Variants in NALCN observed in about 807,000 individuals in gnomAD.
The protein encoded by NALCN is sodium leak channel NALCN.
NALCN carries 111 observed loss-of-function variants against 225.3 expected under a neutral mutation model. The ratio of observed to expected loss-of-function variants is 0.49; its 90% CI spans 0.42 to 0.58. The LOEUF is 0.58. Among genes scored for constraint, NALCN ranks in the 20% least tolerant of loss-of-function variants. The pLI is 0.00. For missense variants in NALCN, 1,378 were observed against 2,202.4 expected (o/e 0.63, Z 7.49); for synonymous variants, 764 against 769.0 (o/e 0.99, Z 0.11).
intron 10 of NALCN, among the ~76,000 whole-genome samples, chr13:101,261,727 A>G (rs1017612519): frequency 3.9e-5 from 6 of 152,196 alleles, no homozygotes; most frequent in Non-Finnish European, 8.8e-5. Context: ...TTTGTTCATC[A>G]GTTCTTATAG....
rs1256340637 is a variant in NALCN at position 101,292,755 on chromosome 13, A to G, written c.800-389T>C. Among the ~76,000 whole-genome samples, 1 of 152,342 alleles carries G rather than the reference A, an allele frequency of 6.6e-6. No homozygotes were observed. Among genetic ancestry groups the G allele is most frequent in the East Asian group, 1.9e-4 (1 of 5,180 alleles). On this transcript the variant is annotated intron_variant, in intron 7 of 43. Transcript: ENST00000251127. The surrounding 1 kb of genome is among the most constrained non-coding windows in gnomAD (Gnocchi z 4.3). ...CAATAAGCTGAAAAGCACCTGCTAT[A>G]GTTTTAACCAAAATGAAATAAATGG... is the stretch of plus-strand genomic sequence containing the variant.
intron 15 of NALCN, among the ~76,000 whole-genome samples, chr13:101,154,723 C>A (rs1416378976): frequency 6.6e-6 from 1 of 152,148 alleles, no homozygotes; most frequent in Admixed American, 6.5e-5. Flanking sequence ...CATCAACAGG[C>A]AGAAGAGGAT....
At chr13:101,325,095 G>C (rs1024105844) in intron 7 of NALCN, among the ~76,000 whole-genome samples, 6 of 152,128 alleles carry the variant, frequency 3.9e-5, no homozygotes, top group African/African-American at 1.4e-4. Flanking sequence ...CTTCTCAGTG[G>C]CTTAAATCCG....
chr13:101,111,505 A>T (rs2035435033), intron 18 of NALCN, among the ~76,000 whole-genome samples: 1 of 152,094 alleles, frequency 6.6e-6, no homozygotes, highest in African/African-American at 2.4e-5. Flanking sequence ...TTCCAAAAAT[A>T]ATGGTAGAGC....
intron 40 of NALCN, among the ~76,000 whole-genome samples, chr13:101,064,372 A>C (rs757977609): frequency 7.2e-5 from 11 of 152,150 alleles, no homozygotes; most frequent in Non-Finnish European, 1.3e-4. Flanking sequence ...TATGGGTTAA[A>C]TGTTTCCTCC....
intron 15 of NALCN, among the ~76,000 whole-genome samples, chr13:101,175,366 A>T (rs1238547414): frequency 1.3e-5 from 2 of 152,156 alleles, no homozygotes; most frequent in East Asian, 1.9e-4. Flanking sequence ...AAAAAAAATT[A>T]AAAAATTTAA....
chr13:101,127,590 T>G (rs1371282598), intron 17 of NALCN, among the ~76,000 whole-genome samples: 1 of 152,104 alleles, frequency 6.6e-6, no homozygotes, highest in Non-Finnish European at 1.5e-5. Flanking sequence ...ACTCCTGACC[T>G]CAAGTGATCC....
At chr13:101,238,095 A>G (rs2041628514) in intron 11 of NALCN, among the ~76,000 whole-genome samples, 173 bp from the exon 12 acceptor site, 1 of 151,998 alleles carries the variant, frequency 6.6e-6, no homozygotes, top group East Asian at 1.9e-4. Context: ...ACCAACTAGA[A>G]CACAGTAGAC....
chr13:101,198,684 C>CTGTTG, intron 13 of NALCN, among the ~76,000 whole-genome samples: 1 of 152,314 alleles, frequency 6.6e-6, no homozygotes, highest in East Asian at 1.9e-4. Context: ...CACTTTTACA[C>CTGTTG]TGTTGGTGGG....
intron 1 of NALCN, among the ~76,000 whole-genome samples, chr13:101,406,871 G>C (rs1566660869): frequency 6.6e-6 from 1 of 152,130 alleles, no homozygotes; most frequent in Non-Finnish European, 1.5e-5. Context: ...CTCACCCCAT[G>C]TAGTGAAGAG....
chr13:101,341,555 T>A (rs567848865), intron 7 of NALCN, among the ~76,000 whole-genome samples: 13 of 152,266 alleles, frequency 8.5e-5, no homozygotes, highest in Non-Finnish European at 1.8e-4. Flanking sequence ...TGTAATTCAG[T>A]GCTCTGTTTC....
At chr13:101,186,850 G>T (rs974348477) in intron 14 of NALCN, among the ~76,000 whole-genome samples, 3 of 152,066 alleles carry the variant, frequency 2.0e-5, no homozygotes, top group African/African-American at 4.8e-5. Context: ...AGACTTAAAG[G>T]TGAAAAGCAA....
At chr13:101,339,271 G>A (rs1280637896) in intron 7 of NALCN, among the ~76,000 whole-genome samples, 1 of 152,136 alleles carries the variant, frequency 6.6e-6, no homozygotes, top group Admixed American at 6.5e-5. Flanking sequence ...CACCCATACT[G>A]CAATCACGGA....
intron 42 of NALCN, 39 bp downstream of exon 42, chr13:101,059,779 A>C (rs1205830093): frequency 1.3e-6 from 2 of 1,590,336 alleles, no homozygotes; most frequent in Admixed American, 1.7e-5. Context: ...AAAGAAGCCC[A>C]CAGAGTGTCC....
intron 6 of NALCN, among the ~76,000 whole-genome samples, chr13:101,346,357 G>A (rs2045738168): frequency 6.6e-6 from 1 of 151,958 alleles, no homozygotes; most frequent in African/African-American, 2.4e-5. Flanking sequence ...TGTCTGAGGA[G>A]TCATTGTGAT....
intron 9 of NALCN, among the ~76,000 whole-genome samples, chr13:101,288,018 C>G (rs1037024273): frequency 6.6e-6 from 1 of 152,164 alleles, no homozygotes; most frequent in Non-Finnish European, 1.5e-5. Flanking sequence ...TTTGCATGCT[C>G]TTTGGATTCT....
chr13:101,277,564 A>G (rs1231928479), intron 10 of NALCN, among the ~76,000 whole-genome samples: 1 of 152,216 alleles, frequency 6.6e-6, no homozygotes, highest in Non-Finnish European at 1.5e-5. Context: ...CATATTTAAC[A>G]CATCGGAATA....
intron 15 of NALCN, among the ~76,000 whole-genome samples, chr13:101,164,567 A>G (rs1281796999): frequency 6.6e-6 from 1 of 152,058 alleles, no homozygotes; most frequent in Non-Finnish European, 1.5e-5. Flanking sequence ...CTACTTTTTG[A>G]ATGACTTCTA....
chr13:101,111,770 C>T (rs1384044707), intron 18 of NALCN, among the ~76,000 whole-genome samples: 1 of 152,152 alleles, frequency 6.6e-6, no homozygotes, highest in Non-Finnish European at 1.5e-5. Flanking sequence ...ATAAGACGTG[C>T]CTTTCACCGT....
Sources: gnomAD v4.1 joint callset for allele counts (sites outside exome capture counted in the v4.1 genomes callset) on GRCh38, gnomAD v4.1.1 for gene constraint, Gnocchi (gnomAD v3.1) non-coding constraint, MANE v1.5 for transcripts, NCBI Gene and HGNC (gene_info 2026-07-23, HGNC 2026-07-21) for gene names.